SIM2: variants seen among roughly 807,000 people sequenced by gnomAD.
SIM2 encodes the protein single-minded homolog 2.
A neutral mutation model predicts 64.8 loss-of-function variants in SIM2; 28 were observed. The observed-to-expected ratio is 0.43, with a 90% CI of 0.32 to 0.59. The LOEUF (loss-of-function observed/expected upper bound fraction) is 0.59. SIM2 is among the 20% of genes least tolerant of loss of function. The pLI is 0.07. For missense variants in SIM2, 847 were observed against 871.4 expected, an observed-to-expected ratio of 0.97 and a Z score of 0.35; for synonymous variants, 408 against 391.1, an observed-to-expected ratio of 1.04 and a Z score of -0.51.
At chr21:36,741,239 T>C (rs1379014862) in intron 7 of SIM2, among the ~76,000 whole-genome samples, 1 of 152,258 alleles carries the variant, frequency 6.6e-6, no homozygotes, top group Non-Finnish European at 1.5e-5. Flanking sequence ...AATACCCTCA[T>C]GTTCCTGAAC....
chr21:36,745,870 AC>A lies in SIM2; in HGVS notation c.1576+738del, dbSNP rs1568943219. 7.7e-7 allele frequency: 1 copy of A among 1,302,104 alleles called. No homozygotes were observed. The highest frequency in any genetic ancestry group is 1.2e-5 in the South Asian group (1 of 80,908). 80.7% of individuals were successfully genotyped at this position (1,302,104 alleles called of 1,614,324 possible). A position where few individuals can be genotyped will look rare whatever the true frequency, so the allele number is the denominator to read the frequency against. On this transcript the variant is annotated intron_variant, in intron 10 of 10. Coordinates refer to ENST00000290399, the MANE Select transcript of SIM2 (RefSeq NM_005069.6). This position sits in a 1 kb window ranked among gnomAD's most constrained non-coding sequence, Gnocchi z 4.8. ...TGACTCCTGTTTGCTCGCTGGACCA[AC>A]CCCAGGCAGAAGGTGGAAGGTGGGA...
In SIM2 at chr21:36,745,889, A is replaced by C. The variant is rs1236196172; in HGVS notation, c.1576+753A>C. ...GGACCAACCCCAGGCAGAAGGTGGAAGGTGGGAACAGAGGTTTAGCTGCAG... is the reference window on the plus strand; with the variant it reads ...GGACCAACCCCAGGCAGAAGGTGGACGGTGGGAACAGAGGTTTAGCTGCAG... On this transcript the variant is annotated intron_variant, in intron 10 of 10. Transcript: ENST00000290399. This position sits in a 1 kb window ranked among gnomAD's most constrained non-coding sequence, Gnocchi z 4.8. 1 of 1,299,698 alleles carries C rather than the reference A, an allele frequency of 7.7e-7. No homozygotes were observed. Among genetic ancestry groups the C allele is most frequent in the South Asian group, 1.2e-5 (1 of 80,648 alleles). The allele number at this position is 1,299,698 out of a possible 1,614,324, so 80.5% of individuals were successfully genotyped here. A position where few individuals can be genotyped will look rare whatever the true frequency, so the allele number is the denominator to read the frequency against.
intron 2 of SIM2, chr21:36,710,132 A>AT (rs942769728): frequency 4.6e-5 from 7 of 153,082 alleles, no homozygotes; most frequent in African/African-American, 1.7e-4. Flanking sequence ...TTTTAACTCC[A>AT]TTTTTTAGAG....
At chr21:36,733,866 C>T (rs1389743895) in intron 7 of SIM2, among the ~76,000 whole-genome samples, 1 of 152,198 alleles carries the variant, frequency 6.6e-6, no homozygotes, top group Non-Finnish European at 1.5e-5. Context: ...CGGCCCGAAG[C>T]AGGGATTTTT....
rs1371995100 is a variant in SIM2, at chr21:36,699,189, T to G, written c.-558T>G. 6 of 151,466 alleles carry G rather than the reference T, an allele frequency of 4.0e-5. No homozygotes were observed. Among genetic ancestry groups the G allele is most frequent in the Non-Finnish European group, 7.4e-5 (5 of 67,860 alleles). The allele number at this position is 151,466 out of a possible 1,614,324, so 9.4% of individuals were successfully genotyped here. ...AGCCACACATCGCGGGCTCCGGCGC[T>G]GCGTCTCCAGGCACAGGGAGCCGCC... On this transcript the variant is annotated 5_prime_UTR_variant, in exon 1 of 11. Transcript: ENST00000290399. The surrounding 1 kb of genome is among the most constrained non-coding windows in gnomAD (Gnocchi z 5.6).
At chr21:36,709,032 CCGGGGAGGCGG>C in intron 1 of SIM2, 125 bp from the exon 2 acceptor site, 1 of 689,686 alleles carries the variant, frequency 1.4e-6, no homozygotes, top group Non-Finnish European at 2.4e-6. Flanking sequence ...GGCTGCGGAG[CCGGGGAGGCGG>C]CGGGGAGACG....
chr21:36,699,674 G>T lies in SIM2; in HGVS notation c.-73G>T. On this transcript the variant is annotated 5_prime_UTR_variant, in exon 1 of 11. Transcript: ENST00000290399. This position sits in a 1 kb window ranked among gnomAD's most constrained non-coding sequence, Gnocchi z 5.6. ...TCCCGGCTCCCCCTTCCCCATCCCC[G>T]CCGCCGCAGCCCGAGCGGGGCTCCG... The T allele has an allele frequency of 6.5e-7, 1 of 1,529,266 alleles. No individual in the cohort carries two copies. Among genetic ancestry groups the T allele is most frequent in the South Asian group, 1.2e-5 (1 of 82,536 alleles). The allele number at this position is 1,529,266 out of a possible 1,614,324, so 94.7% of individuals were successfully genotyped here.
In SIM2 at chr21:36,745,713, G is replaced by A; in HGVS notation, c.1576+577G>A. 1 of 1,264,964 alleles carries A rather than the reference G, an allele frequency of 7.9e-7. No individual in the cohort carries two copies. The highest frequency in any genetic ancestry group is 1.3e-5 in the South Asian group (1 of 77,324). 78.4% of individuals were successfully genotyped at this position (1,264,964 alleles called of 1,614,324 possible). A position where few individuals can be genotyped will look rare whatever the true frequency, so the allele number is the denominator to read the frequency against. ...GAAGCTGTGATGTGCCTACTCCCAA[G>A]GACACGACACACAGTAGGGACCTGC... On this transcript the variant is annotated intron_variant, in intron 10 of 10. Coordinates refer to ENST00000290399, the MANE Select transcript of SIM2 (RefSeq NM_005069.6). The surrounding 1 kb of genome is among the most constrained non-coding windows in gnomAD (Gnocchi z 4.8).
rs769412214 is a variant in SIM2, at chr21:36,726,333, T to C, written c.743+15T>C. ...CTGGATTCCAGGTGAGTTCGGCACC[T>C]GCCACAGTGGCTGTGGCCTTCTGGA... On this transcript the variant is annotated intron_variant, in intron 6 of 10. Transcript: ENST00000290399. The surrounding 1 kb of genome is among the most constrained non-coding windows in gnomAD (Gnocchi z 4.5). 2.5e-5 allele frequency: 40 copies of C among 1,605,912 alleles called. No individual in the cohort carries two copies. The highest frequency in any genetic ancestry group is 5.1e-5 in the Admixed American group (3 of 59,330).
intron 1 of SIM2, among the ~76,000 whole-genome samples, chr21:36,701,118 T>G (rs963047107): frequency 6.6e-6 from 1 of 152,216 alleles, no homozygotes; most frequent in Non-Finnish European, 1.5e-5. Context: ...GGCGCGCTGC[T>G]CAGGGTTCTG....
At chr21:36,722,858 T>C (rs1006337858) in intron 4 of SIM2, among the ~76,000 whole-genome samples, 187 bp from the exon 5 acceptor site, 4 of 152,164 alleles carry the variant, frequency 2.6e-5, no homozygotes, top group Admixed American at 6.5e-5. Context: ...ACACCAGGAC[T>C]GGGCTGGTGT....
In SIM2 at chr21:36,745,297, C is replaced by T; in HGVS notation, c.1576+161C>T. The T allele has an allele frequency of 2.1e-6, 3 of 1,452,964 alleles. No homozygotes were observed. The highest frequency in any genetic ancestry group is 1.8e-6 in the Non-Finnish European group (2 of 1,099,660). 90.0% of individuals were successfully genotyped at this position (1,452,964 alleles called of 1,614,324 possible). On this transcript the variant is annotated intron_variant, in intron 10 of 10. Transcript: ENST00000290399. This position sits in a 1 kb window ranked among gnomAD's most constrained non-coding sequence, Gnocchi z 4.8. ...AGGGCTTGCTGTGCTTTCTTGCTCT[C>T]AATGCAGGTGCTCCTCGAGAGTGAG...
At chr21:36,739,745 C>T (rs909204105) in intron 7 of SIM2, among the ~76,000 whole-genome samples, 3 of 152,044 alleles carry the variant, frequency 2.0e-5, no homozygotes, top group Admixed American at 1.3e-4. Context: ...CTGGGCCAGG[C>T]GCCGTGGCTC....
chr21:36,730,940 C>T (rs754421692), intron 6 of SIM2, 105 bp from the exon 7 acceptor site: 60 of 776,592 alleles, frequency 7.7e-5, no homozygotes, highest in African/African-American at 7.1e-4. Flanking sequence ...CAACATTTCC[C>T]GCCTGAGCCT....
At chr21:36,729,767 A>G (rs893742260) in intron 6 of SIM2, among the ~76,000 whole-genome samples, 2 of 152,114 alleles carry the variant, frequency 1.3e-5, no homozygotes, top group African/African-American at 4.8e-5. Context: ...TCCTTCGAGG[A>G]CATGGTGCCC....
chr21:36,700,237 T>G (rs1429790454), intron 1 of SIM2, among the ~76,000 whole-genome samples: 1 of 152,068 alleles, frequency 6.6e-6, no homozygotes, highest in Non-Finnish European at 1.5e-5. Flanking sequence ...TTTCTCCCTT[T>G]CCTCCTTCCT....
At chr21:36,734,219 C>T (rs1439726364) in intron 7 of SIM2, among the ~76,000 whole-genome samples, 1 of 152,144 alleles carries the variant, frequency 6.6e-6, no homozygotes, top group African/African-American at 2.4e-5. Flanking sequence ...TTGCCTGGCT[C>T]ACCAGACCCA....
chr21:36,741,929 C>T, intron 8 of SIM2, 65 bp downstream of exon 8: 1 of 1,365,256 alleles, frequency 7.3e-7, no homozygotes, highest in South Asian at 1.4e-5. Context: ...TCGGATGGCT[C>T]CAATAAGCAC....
chr21:36,726,403 C>A lies in SIM2; in HGVS notation c.743+85C>A. 8.3e-7 allele frequency: 1 copy of A among 1,202,334 alleles called. No individual in the cohort carries two copies. The highest frequency in any genetic ancestry group is 1.2e-6 in the Non-Finnish European group (1 of 846,080). 74.5% of individuals were successfully genotyped at this position (1,202,334 alleles called of 1,614,324 possible). On this transcript the variant is annotated intron_variant, in intron 6 of 10. Coordinates refer to ENST00000290399, the MANE Select transcript of SIM2 (RefSeq NM_005069.6). The surrounding 1 kb of genome is among the most constrained non-coding windows in gnomAD (Gnocchi z 4.5). ...GGGTCCCTGAAAGCTGCCATCTTGGCCAAATCATAACAAGGAATAAGTCAT... is the reference window on the plus strand; with the variant it reads ...GGGTCCCTGAAAGCTGCCATCTTGGACAAATCATAACAAGGAATAAGTCAT...
Sources: allele counts gnomAD v4.1 joint callset (sites outside exome capture counted in the v4.1 genomes callset), GRCh38; gene constraint gnomAD v4.1.1; non-coding constraint Gnocchi (gnomAD v3.1); transcripts MANE v1.5; gene names NCBI Gene and HGNC (gene_info 2026-07-23, HGNC 2026-07-21).